Variants in HDAC9 observed in about 807,000 individuals in gnomAD.
HDAC9 encodes histone deacetylase 9.
HDAC9 carries 41 observed loss-of-function variants against 139.4 expected under a neutral mutation model. The ratio of observed to expected loss-of-function variants is 0.29; its 90% CI spans 0.23 to 0.38. The LOEUF is 0.38. Among genes scored for constraint, HDAC9 ranks in the 10% least tolerant of loss-of-function variants. The pLI is 1.00. For missense variants in HDAC9, 1,147 were observed against 1,297.0 expected (o/e 0.88, Z 1.78); for synonymous variants, 517 against 476.2 (o/e 1.09, Z -1.12).
chr7:18,157,030 G>A (rs907700633), intron 1 of HDAC9, among the ~76,000 whole-genome samples: 1 of 152,230 alleles, frequency 6.6e-6, no homozygotes, highest in Non-Finnish European at 1.5e-5. Flanking sequence ...TGAAGCTGCA[G>A]TGAGCTGTGA....
intron 21 of HDAC9, among the ~76,000 whole-genome samples, chr7:18,838,754 TG>T (rs1796397867): frequency 6.6e-6 from 1 of 151,842 alleles, no homozygotes; most frequent in South Asian, 2.1e-4. Context: ...AAAGAGTAAA[TG>T]GTGCCTTTTC....
intron 21 of HDAC9, among the ~76,000 whole-genome samples, chr7:18,859,966 A>G (rs1797989798): frequency 6.6e-6 from 1 of 150,696 alleles, no homozygotes; most frequent in Admixed American, 6.6e-5. Context: ...ATGGAATGCA[A>G]TCACTTGTGC....
chr7:18,643,077 T>G lies in HDAC9; in HGVS notation c.913-1594T>G, dbSNP rs1786232635. Among the ~76,000 whole-genome samples, 4 of 152,154 alleles carry G rather than the reference T, an allele frequency of 2.6e-5. No individual in the cohort carries two copies. The South Asian group carries it at 8.3e-4, about 32-fold the overall frequency. On this transcript the variant is annotated intron_variant, in intron 8 of 25. Coordinates refer to ENST00000686413, the MANE Select transcript of HDAC9 (RefSeq NM_178425.4). ...AAATTACTATTTACTGCCAATAAGC[T>G]AGTTAAAATATTTTTACTTCCTTAT...
intron 24 of HDAC9, among the ~76,000 whole-genome samples, chr7:18,972,970 G>T (rs1393357293): frequency 6.6e-6 from 1 of 152,114 alleles, no homozygotes; most frequent in Admixed American, 6.6e-5. Context: ...TTTAAGCTGA[G>T]AATTTTATAA....
chr7:18,459,045 G>C (rs1793603374), intron 1 of HDAC9: 1 of 629,698 alleles, frequency 1.6e-6, no homozygotes, highest in South Asian at 1.9e-5. Context: ...TTTGCCACGG[G>C]CTACTGACCA....
chr7:18,108,690 C>T (rs1420191506), intron 1 of HDAC9, among the ~76,000 whole-genome samples: 1 of 144,050 alleles, frequency 6.9e-6, no homozygotes, highest in African/African-American at 2.6e-5. Context: ...TTTTGGCACA[C>T]TGTAACCTCT....
chr7:18,663,467 C>G (rs1793848000), intron 11 of HDAC9, among the ~76,000 whole-genome samples: 1 of 152,000 alleles, frequency 6.6e-6, no homozygotes, highest in African/African-American at 2.4e-5. Flanking sequence ...CCCCTCACCC[C>G]CCAGTAAGCA....
At chr7:18,454,265 C>T (rs1227486575) in intron 1 of HDAC9, among the ~76,000 whole-genome samples, 3 of 151,954 alleles carry the variant, frequency 2.0e-5, no homozygotes, top group Non-Finnish European at 4.4e-5. Flanking sequence ...TGTAATTAAT[C>T]TTATAATTTT....
chr7:18,695,174 G>A (rs1427522521), intron 12 of HDAC9, among the ~76,000 whole-genome samples: 1 of 152,140 alleles, frequency 6.6e-6, no homozygotes, highest in African/African-American at 2.4e-5. Flanking sequence ...TGTGCCTTAG[G>A]CTAACAGGGC....
At chr7:18,198,101 T>C (rs920102465) in intron 2 of HDAC9, among the ~76,000 whole-genome samples, 3 of 152,166 alleles carry the variant, frequency 2.0e-5, no homozygotes, top group African/African-American at 7.2e-5. Context: ...TCATCTTTTA[T>C]ATCCCTTTTT....
At chr7:18,653,095 G>A (rs572609432) in intron 11 of HDAC9, among the ~76,000 whole-genome samples, 45 of 151,934 alleles carry the variant, frequency 3.0e-4, no homozygotes, top group South Asian at 4.2e-4. Flanking sequence ...AAAATTAGCC[G>A]GGCGTGGTGG....
intron 22 of HDAC9, among the ~76,000 whole-genome samples, chr7:18,888,282 A>G (rs148992209): frequency 0.029 from 4,353 of 152,224 alleles, 196 homozygotes; most frequent in East Asian, 0.14. Flanking sequence ...AAAATTAGCC[A>G]GGCGTGGTGG....
chr7:18,590,367 A>C lies in HDAC9; in HGVS notation c.296A>C (p.Gln99Pro). Reference protein sequence around the residue: ...LQQELLAIKQQQELLEKEQKL... With the variant: ...LQQELLAIKQPQELLEKEQKL... ...CAGGAACTTCTAGCCATAAAACAGC[A>C]ACAAGAACTCCTAGAAAAGGAGCAG... The change falls in exon 4 of 26, where the codon CAA (glutamine) becomes CCA (proline). Residue 99 changes from glutamine (Q) to proline (P), a missense_variant. By Grantham distance (76) the Gln-to-Pro change is moderately conservative. Around this residue, in one of 7 missense-constraint regions of HDAC9, gnomAD observed 136 missense variants for 183.5 expected, o/e 0.74. Coordinates refer to ENST00000686413, the MANE Select transcript of HDAC9 (RefSeq NM_178425.4). 6.2e-7 allele frequency: 1 copy of C among 1,612,400 alleles called. No homozygotes were observed. Among genetic ancestry groups the C allele is most frequent in the Non-Finnish European group, 8.5e-7 (1 of 1,179,214 alleles).
chr7:18,159,254 A>G (rs1388117041), intron 1 of HDAC9, among the ~76,000 whole-genome samples: 1 of 152,152 alleles, frequency 6.6e-6, no homozygotes, highest in African/African-American at 2.4e-5. Flanking sequence ...AACAATTTGT[A>G]TTATTTTTCT....
rs114203478 is a variant in HDAC9, at chr7:18,816,887, C to T, written c.2323-12274C>T. Among the ~76,000 whole-genome samples the T allele has an allele frequency of 7.7e-3, 1,169 of 152,232 alleles. 15 individuals carry two copies. Among genetic ancestry groups the T allele is most frequent in the African/African-American group, 0.027 (1,123 of 41,546 alleles). ...ATCAACACCATTTTGGATGGGGAAG[C>T]AGTCACATATAAATGACCTATCAGA... is the stretch of plus-strand genomic sequence containing the variant. On this transcript the variant is annotated intron_variant, in intron 17 of 25. Coordinates refer to ENST00000686413, the MANE Select transcript of HDAC9 (RefSeq NM_178425.4).
intron 12 of HDAC9, among the ~76,000 whole-genome samples, chr7:18,692,276 A>G (rs1229851843): frequency 6.6e-6 from 1 of 152,120 alleles, no homozygotes; most frequent in Non-Finnish European, 1.5e-5. Flanking sequence ...TAAGCTTCAC[A>G]TTCTATGTAA....
intron 2 of HDAC9, among the ~76,000 whole-genome samples, chr7:18,503,735 G>C (rs1295407478): frequency 3.3e-5 from 5 of 152,088 alleles, no homozygotes; most frequent in Non-Finnish European, 7.4e-5. Flanking sequence ...AAATACCCAC[G>C]ACTTTATTTT....
chr7:18,653,353 A>C (rs1399568019), intron 11 of HDAC9, among the ~76,000 whole-genome samples: 1 of 151,720 alleles, frequency 6.6e-6, no homozygotes, highest in Non-Finnish European at 1.5e-5. Context: ...ACTTCTCTGG[A>C]TTATCTTGTT....
In HDAC9 at chr7:18,179,470, C is replaced by A. The variant is rs539036049; in HGVS notation, c.25+17121C>A. Among the ~76,000 whole-genome samples the A allele has an allele frequency of 1.2e-4, 19 of 152,198 alleles. No individual in the cohort carries two copies. In the South Asian group the frequency reaches 3.7e-3, roughly 30 times the overall value. ...AGGATCATTAAAGAAATGTTTATAT[C>A]CTGTTGGGGTTCTATGTTCTTAACC... On this transcript the variant is annotated intron_variant, in intron 2 of 12. Transcript: ENST00000417496.
Sources: gnomAD v4.1 joint callset for allele counts (sites outside exome capture counted in the v4.1 genomes callset) on GRCh38, gnomAD v4.1.1 for gene constraint, gnomAD v4.1.1 regional missense constraint, MANE v1.5 for transcripts, NCBI Gene and HGNC (gene_info 2026-07-23, HGNC 2026-07-21) for gene names.